The following ROBO1 variants were observed in gnomAD, a reference collection of about 807,000 sequenced individuals.
The protein encoded by ROBO1 is roundabout guidance receptor 1.
Under a neutral mutation model 195.9 loss-of-function variants are expected in ROBO1, and 149 were observed. The observed-to-expected ratio is 0.76, with a 90% CI of 0.67 to 0.87. The LOEUF (loss-of-function observed/expected upper bound fraction) is 0.87, where lower values mean the gene tolerates loss of function less well. Ranked by LOEUF, ROBO1 falls within the 40% of genes least tolerant of loss-of-function variation. The pLI is 0.00. For missense variants in ROBO1, 1,933 were observed against 2,068.3 expected, an observed-to-expected ratio of 0.93 and a Z score of 1.27; for synonymous variants, 816 against 733.2, an observed-to-expected ratio of 1.11 and a Z score of -1.82.
At chr3:79,051,347 A>T (rs1016338287) in intron 3 of ROBO1, among the ~76,000 whole-genome samples, 2 of 152,208 alleles carry the variant, frequency 1.3e-5, no homozygotes, top group Non-Finnish European at 2.9e-5. Context: ...TCCTCCCAAG[A>T]GTAAACCAGG....
chr3:79,463,542 T>A (rs1937775911), intron 2 of ROBO1, among the ~76,000 whole-genome samples: 1 of 152,196 alleles, frequency 6.6e-6, no homozygotes, highest in African/African-American at 2.4e-5. Flanking sequence ...AAAATTTGAT[T>A]TTTTTCTGCT....
At chr3:78,933,576 A>G (rs534634508) in intron 4 of ROBO1, among the ~76,000 whole-genome samples, 294 of 152,156 alleles carry the variant, frequency 1.9e-3, no homozygotes, top group Non-Finnish European at 3.0e-3. Flanking sequence ...AGATGTCATT[A>G]TTTTCTGATT....
intron 2 of ROBO1, among the ~76,000 whole-genome samples, chr3:79,163,153 T>C (rs1443278199): frequency 1.3e-5 from 2 of 152,104 alleles, no homozygotes; most frequent in African/African-American, 2.4e-5. Context: ...TGAAATTCTG[T>C]ACCCACTAAA....
intron 4 of ROBO1, among the ~76,000 whole-genome samples, chr3:78,813,138 T>G (rs2084793342): frequency 6.6e-6 from 1 of 152,030 alleles, no homozygotes; most frequent in Non-Finnish European, 1.5e-5. Flanking sequence ...TGCCATATGA[T>G]CTAATCTTTG....
chr3:79,283,990 C>G (rs2031716967), intron 2 of ROBO1, among the ~76,000 whole-genome samples: 2 of 152,086 alleles, frequency 1.3e-5, no homozygotes, highest in African/African-American at 4.8e-5. Context: ...AGCCACCGCG[C>G]CCGGCCTATC....
intron 2 of ROBO1, among the ~76,000 whole-genome samples, chr3:79,384,024 CAGAT>C (rs2036656050): frequency 1.3e-5 from 2 of 151,766 alleles, no homozygotes; most frequent in Admixed American, 1.3e-4. Flanking sequence ...TTTTTCCTAA[CAGAT>C]GGGCTGGGTA....
intron 1 of ROBO1, among the ~76,000 whole-genome samples, chr3:79,755,039 C>T (rs1016682684): frequency 9.9e-5 from 15 of 152,000 alleles, no homozygotes; most frequent in Admixed American, 6.5e-4. Flanking sequence ...CACCACCATG[C>T]CCGGCTAATT....
chr3:79,593,095 C>A (rs1446561207), intron 1 of ROBO1, among the ~76,000 whole-genome samples: 1 of 151,990 alleles, frequency 6.6e-6, no homozygotes, highest in Non-Finnish European at 1.5e-5. Context: ...TAGCTAATGT[C>A]TTTTCAGCAC....
chr3:78,746,870 G>A lies in ROBO1; in HGVS notation c.530C>T (p.Ser177Leu), dbSNP rs754092395. 11 of 1,583,028 alleles carry A rather than the reference G, an allele frequency of 6.9e-6. No individual in the cohort carries two copies. The highest frequency in any genetic ancestry group is 4.0e-5 in the African/African-American group (3 of 74,426). The change falls in exon 5 of 31, where the codon TCG becomes TTG. Residue 177 changes from serine to leucine, a missense_variant. Physicochemically the swap from Ser to Leu is moderately radical, Grantham distance 145. Transcript: ENST00000464233. ...CTCTCCTACTGCAACCATGACATCC[G>A]AAGGGTTTTGTCTGAAGTCATCCCG... ...ILRDDFRQNP[S>L]DVMVAVGEPA...
At chr3:79,096,408 G>A (rs1294916964) in intron 3 of ROBO1, among the ~76,000 whole-genome samples, 2 of 151,792 alleles carry the variant, frequency 1.3e-5, no homozygotes, top group Non-Finnish European at 2.9e-5. Flanking sequence ...GTTTGATAAC[G>A]ATTAGGTATA....
chr3:78,776,189 GACTA>G (rs2083500190), intron 4 of ROBO1, among the ~76,000 whole-genome samples: 1 of 152,086 alleles, frequency 6.6e-6, no homozygotes, highest in South Asian at 2.1e-4. Context: ...TTCAAAGAAT[GACTA>G]ACTGAATGAA....
At chr3:79,187,458 T>C (rs926287044) in intron 2 of ROBO1, among the ~76,000 whole-genome samples, 3 of 152,058 alleles carry the variant, frequency 2.0e-5, no homozygotes, top group African/African-American at 4.8e-5. Context: ...TAAAGCATGA[T>C]CATTTCTAAT....
intron 5 of ROBO1, among the ~76,000 whole-genome samples, chr3:78,745,306 C>CAAA (rs11360584): frequency 2.5e-4 from 18 of 71,144 alleles, no homozygotes; most frequent in African/African-American, 4.2e-4. Context: ...GACTCCATTT[C>CAAA]AAAAAAAAAA....
intron 2 of ROBO1, among the ~76,000 whole-genome samples, chr3:79,472,227 CCA>C (rs1462507388): frequency 6.6e-6 from 1 of 152,018 alleles, no homozygotes; most frequent in Non-Finnish European, 1.5e-5. Context: ...TTCTCTCCCT[CCA>C]ACTTCATGGG....
At chr3:79,588,635 A>G (rs904710080) in intron 2 of ROBO1, among the ~76,000 whole-genome samples, 15 of 151,736 alleles carry the variant, frequency 9.9e-5, no homozygotes, top group African/African-American at 2.7e-4. Flanking sequence ...TAAGAAATGT[A>G]TGATGTTTTC....
At chr3:79,353,700 G>T (rs1280385995) in intron 2 of ROBO1, among the ~76,000 whole-genome samples, 1 of 152,108 alleles carries the variant, frequency 6.6e-6, no homozygotes, top group Non-Finnish European at 1.5e-5. Context: ...AGAGGGCTAT[G>T]GTGTTGGTGT....
Position 78,767,071 on chromosome 3 carries a change from A to G in ROBO1, c.500-20171T>C, listed in dbSNP as rs183478579. On this transcript the variant is annotated intron_variant, in intron 4 of 30. Transcript: ENST00000464233. ...CTGTGTTCATCAATGATATAGGTCT[A>G]TAGTTTCCTTTTTTGGTAATATCCT... Among the ~76,000 whole-genome samples, 362 of 152,160 alleles carry G rather than the reference A, an allele frequency of 2.4e-3. 2 individuals are homozygous for G. Among genetic ancestry groups the G allele is most frequent in the African/African-American group, 7.9e-3 (330 of 41,514 alleles).
chr3:79,195,124 A>G (rs1317340717), intron 2 of ROBO1, among the ~76,000 whole-genome samples: 1 of 151,538 alleles, frequency 6.6e-6, no homozygotes, highest in East Asian at 1.9e-4. Context: ...TGGGTCTATC[A>G]GGTGCTAATT....
chr3:79,030,489 T>A (rs1169020724), intron 3 of ROBO1, among the ~76,000 whole-genome samples: 1 of 152,310 alleles, frequency 6.6e-6, no homozygotes, highest in African/African-American at 2.4e-5. Flanking sequence ...TTATATAAGA[T>A]GGTGGGCATG....
Sources: gnomAD v4.1 joint callset for allele counts (sites outside exome capture counted in the v4.1 genomes callset) on GRCh38, gnomAD v4.1.1 for gene constraint, MANE v1.5 for transcripts, NCBI Gene and HGNC (gene_info 2026-07-23, HGNC 2026-07-21) for gene names.